Variants in DSCAM observed in about 807,000 individuals in gnomAD.
DSCAM encodes DS cell adhesion molecule, also known as cell adhesion molecule DSCAM.
A neutral mutation model predicts 217.7 loss-of-function variants in DSCAM; 47 were observed. The observed-to-expected ratio is 0.22, with a 90% CI of 0.17 to 0.28. The LOEUF is 0.28. DSCAM is among the 10% of genes least tolerant of loss of function. The probability of loss-of-function intolerance (pLI) is 1.00; values close to 1 mark genes in which losing one functional copy is unlikely to be tolerated. For synonymous variants in DSCAM, 1,056 were observed against 1,015.3 expected, an observed-to-expected ratio of 1.04 and a Z score of -0.76; for missense variants, 2,080 against 2,618.3, an observed-to-expected ratio of 0.79 and a Z score of 4.49.
At chr21:40,320,705 G>A (rs541215641) in intron 8 of DSCAM, among the ~76,000 whole-genome samples, 2 of 152,322 alleles carry the variant, frequency 1.3e-5, no homozygotes, top group South Asian at 2.1e-4. Flanking sequence ...GAATGAGGAA[G>A]ACGCAAAAGC....
chr21:40,600,303 G>C (rs1207129789), intron 3 of DSCAM, among the ~76,000 whole-genome samples: 1 of 152,154 alleles, frequency 6.6e-6, no homozygotes, highest in Admixed American at 6.5e-5. Context: ...GGCACCAGCA[G>C]ATTTGCTGTC....
intron 3 of DSCAM, among the ~76,000 whole-genome samples, chr21:40,559,786 C>CTTTT (rs548599799): frequency 1.6e-3 from 178 of 109,396 alleles, no homozygotes; most frequent in African/African-American, 2.0e-3. Context: ...AATTTTCTGT[C>CTTTT]TTTTTTTTTT....
At chr21:40,545,705 G>A (rs927835574) in intron 3 of DSCAM, among the ~76,000 whole-genome samples, 1 of 152,200 alleles carries the variant, frequency 6.6e-6, no homozygotes, top group Admixed American at 6.5e-5. Context: ...GCACACTGCA[G>A]GCATTGAGCT....
At chr21:40,800,108 A>G (rs958562297) in intron 1 of DSCAM, among the ~76,000 whole-genome samples, 6 of 152,232 alleles carry the variant, frequency 3.9e-5, no homozygotes, top group Non-Finnish European at 7.3e-5. Flanking sequence ...CATCCTCACC[A>G]TATGATTCCC....
chr21:40,846,724 G>A lies in DSCAM; in HGVS notation c.-63C>T. On this transcript the variant is annotated 5_prime_UTR_variant, in exon 1 of 33. Transcript: ENST00000400454. ...CGGCCTCGCCCCCCGCGCTCCGCCC[G>A]GCCCGGCTCCGCTCGCCGCTCGGCA... The A allele has an allele frequency of 1.2e-6, 1 of 856,400 alleles. No individual in the cohort carries two copies. Among genetic ancestry groups the A allele is most frequent in the South Asian group, 5.2e-5 (1 of 19,218 alleles). The allele number at this position is 856,400 out of a possible 1,614,324, so 53.1% of individuals were successfully genotyped here.
intron 3 of DSCAM, among the ~76,000 whole-genome samples, chr21:40,560,459 C>T (rs1242159633): frequency 3.3e-5 from 5 of 152,142 alleles, no homozygotes; most frequent in African/African-American, 7.2e-5. Flanking sequence ...ACCCTGATGC[C>T]GATGTCCACC....
chr21:40,431,479 T>C (rs1003676708), intron 3 of DSCAM, among the ~76,000 whole-genome samples: 1 of 152,066 alleles, frequency 6.6e-6, no homozygotes, highest in African/African-American at 2.4e-5. Flanking sequence ...GCCTACTCAA[T>C]GTGAAGACGA....
chr21:40,426,305 T>A (rs914092131), intron 3 of DSCAM, among the ~76,000 whole-genome samples: 1 of 152,248 alleles, frequency 6.6e-6, no homozygotes, highest in Non-Finnish European at 1.5e-5. Flanking sequence ...ACAAGATCCA[T>A]GGACAGTTTG....
chr21:40,150,210 T>C (rs117382216), intron 16 of DSCAM, among the ~76,000 whole-genome samples: 27 of 152,346 alleles, frequency 1.8e-4, no homozygotes, highest in Admixed American at 3.3e-4. Flanking sequence ...TTCTCCAAAG[T>C]TGTATTTGGT....
chr21:40,234,451 A>G (rs2091408411), intron 11 of DSCAM, among the ~76,000 whole-genome samples: 1 of 152,246 alleles, frequency 6.6e-6, no homozygotes, highest in Admixed American at 6.5e-5. Context: ...GGCACTTGTA[A>G]GAAAAGATCA....
intron 11 of DSCAM, among the ~76,000 whole-genome samples, chr21:40,252,633 C>A (rs767226889): frequency 4.6e-5 from 7 of 152,198 alleles, no homozygotes; most frequent in Middle Eastern, 3.4e-3. Flanking sequence ...TAAGAAGGGC[C>A]AGCCGGGTGG....
At chr21:40,076,273 C>T (rs992318032) in intron 26 of DSCAM, among the ~76,000 whole-genome samples, 1 of 152,038 alleles carries the variant, frequency 6.6e-6, no homozygotes, top group African/African-American at 2.4e-5. Flanking sequence ...GAGGCACTTA[C>T]AGGATGCCCA....
At chr21:40,782,007 A>AAAAAAT (rs1555888317) in intron 1 of DSCAM, among the ~76,000 whole-genome samples, 17 of 149,784 alleles carry the variant, frequency 1.1e-4, no homozygotes, top group African/African-American at 4.2e-4. Flanking sequence ...AAAAAAAAAA[A>AAAAAAT]AAAGAAAAAA....
chr21:40,069,541 G>T (rs1334310216), intron 27 of DSCAM, among the ~76,000 whole-genome samples: 1 of 152,166 alleles, frequency 6.6e-6, no homozygotes, highest in Non-Finnish European at 1.5e-5. Context: ...GAGAAATCTT[G>T]TTTATAGCCA....
chr21:40,164,797 G>A (rs1306379426), intron 16 of DSCAM, among the ~76,000 whole-genome samples: 1 of 148,980 alleles, frequency 6.7e-6, no homozygotes, highest in Non-Finnish European at 1.5e-5. Flanking sequence ...GTGAGACTCT[G>A]TCTCAAAATA....
intron 3 of DSCAM, among the ~76,000 whole-genome samples, chr21:40,668,297 T>C (rs1009305193): frequency 2.0e-5 from 3 of 151,504 alleles, no homozygotes; most frequent in African/African-American, 7.4e-5. Flanking sequence ...CCAACTCACA[T>C]CAGTGGATTC....
intron 3 of DSCAM, among the ~76,000 whole-genome samples, chr21:40,514,549 C>T (rs549160640): frequency 6.6e-6 from 1 of 152,290 alleles, no homozygotes; most frequent in Non-Finnish European, 1.5e-5. Flanking sequence ...CAATAAATAG[C>T]AGACAGACTA....
chr21:40,412,435 C>A (rs1346865117), intron 3 of DSCAM, among the ~76,000 whole-genome samples: 6 of 152,218 alleles, frequency 3.9e-5, no homozygotes, highest in African/African-American at 1.4e-4. Context: ...GACAATGAAA[C>A]CCAGGCTGAG....
At chr21:40,134,095 G>A (rs1361900833) in intron 18 of DSCAM, 86 bp from the exon 19 acceptor site, 17 of 1,488,122 alleles carry the variant, frequency 1.1e-5, no homozygotes, top group Non-Finnish European at 1.5e-5. Context: ...GACTGTCCCT[G>A]TGCCATGCCA....
Sources: gnomAD v4.1 joint callset for allele counts (sites outside exome capture counted in the v4.1 genomes callset) on GRCh38, gnomAD v4.1.1 for gene constraint, MANE v1.5 for transcripts, NCBI Gene and HGNC (gene_info 2026-07-23, HGNC 2026-07-21) for gene names.